The following UBOX5 variants were observed in gnomAD, a reference collection of about 807,000 sequenced individuals.
The protein encoded by UBOX5 is U-box domain containing 5, also known as RING finger protein 37.
A neutral mutation model predicts 39.0 loss-of-function variants in UBOX5; 28 were observed. That is an observed-to-expected ratio of 0.72 (90% CI 0.53 to 0.98). The LOEUF (loss-of-function observed/expected upper bound fraction) is 0.98. Ranked by LOEUF, UBOX5 falls within the 50% of genes least tolerant of loss-of-function variation. UBOX5 has a pLI of 0.00. For synonymous variants in UBOX5, 283 were observed against 275.5 expected (o/e 1.03, Z -0.27); for missense variants, 585 against 674.4 (o/e 0.87, Z 1.47).
chr20:3,146,673 C>T, intron 1 of UBOX5: 1 of 1,380,104 alleles, frequency 7.2e-7, no homozygotes, highest in Non-Finnish European at 9.9e-7. Flanking sequence ...CCTCAACACA[C>T]TATTTTATCG....
intron 1 of UBOX5, among the ~76,000 whole-genome samples, chr20:3,133,288 A>C (rs1244601658): frequency 6.6e-6 from 1 of 152,164 alleles, no homozygotes; most frequent in Non-Finnish European, 1.5e-5. Context: ...TAATGGCTCA[A>C]CATATGAAAA....
At chr20:3,126,628 A>G (rs1204547514) in intron 1 of UBOX5, among the ~76,000 whole-genome samples, 1 of 150,148 alleles carries the variant, frequency 6.7e-6, no homozygotes, top group East Asian at 2.0e-4. Flanking sequence ...GGAGGGAGTG[A>G]AGGAGGAAGG....
chr20:3,120,215 C>T lies in UBOX5; in HGVS notation c.1255+1169G>A, dbSNP rs565175430. Among the ~76,000 whole-genome samples, 7 of 151,666 alleles carry T rather than the reference C, an allele frequency of 4.6e-5. No homozygotes were observed. In the South Asian group the frequency reaches 1.3e-3, roughly 27 times the overall value. ...TACAAAAATTAGCTGGGCGTGGTGGCGCGCGTCTGTAATCCCAGCTACTCC... is the reference window on the plus strand; with the variant it reads ...TACAAAAATTAGCTGGGCGTGGTGGTGCGCGTCTGTAATCCCAGCTACTCC... On this transcript the variant is annotated intron_variant, in intron 3 of 4. Transcript: ENST00000217173.
At chr20:3,140,153 C>T (rs2066505953) in intron 1 of UBOX5, among the ~76,000 whole-genome samples, 1 of 150,286 alleles carries the variant, frequency 6.7e-6, no homozygotes, top group Non-Finnish European at 1.5e-5. Context: ...TCCTGAGTAG[C>T]TGGGATTATA....
chr20:3,128,100 T>C (rs1047284021), intron 1 of UBOX5, among the ~76,000 whole-genome samples: 3 of 152,250 alleles, frequency 2.0e-5, no homozygotes, highest in African/African-American at 7.2e-5. Context: ...AGGCTTCTGA[T>C]ACCTTTCGTG....
chr20:3,131,271 T>G (rs979293015), intron 1 of UBOX5, among the ~76,000 whole-genome samples: 2 of 152,080 alleles, frequency 1.3e-5, no homozygotes, highest in Non-Finnish European at 2.9e-5. Context: ...TAATGTTGAT[T>G]GTTAGATTGA....
At chr20:3,147,300 C>T in intron 1 of UBOX5, 1 of 1,614,218 alleles carries the variant, frequency 6.2e-7, no homozygotes, top group Non-Finnish European at 8.5e-7. Flanking sequence ...AGCTGGACCT[C>T]TAAGTCAGAA....
chr20:3,109,959 T>TAGC lies in UBOX5; in HGVS notation c.*146_*147insGCT. On this transcript the variant is annotated 3_prime_UTR_variant, in exon 5 of 5. Coordinates refer to ENST00000217173, the MANE Select transcript of UBOX5 (RefSeq NM_014948.4). ...CCACCAGCGCAGAAGCAATGTGCTA[T>TAGC]ACCGTGAGGTGATGAAGAAGAGCCC... 2.3e-6 allele frequency: 2 copies of TAGC among 878,068 alleles called. No individual in the cohort carries two copies. Among genetic ancestry groups the TAGC allele is most frequent in the Non-Finnish European group, 3.5e-6 (2 of 567,480 alleles). The allele number at this position is 878,068 out of a possible 1,614,324, so 54.4% of individuals were successfully genotyped here.
At chr20:3,127,109 T>C (rs2066396517) in intron 1 of UBOX5, among the ~76,000 whole-genome samples, 1 of 150,288 alleles carries the variant, frequency 6.7e-6, no homozygotes, top group African/African-American at 2.4e-5. Context: ...TCCAATGGCT[T>C]CTGGTAACTC....
At chr20:3,133,350 G>T (rs1044185381) in intron 1 of UBOX5, among the ~76,000 whole-genome samples, 5 of 152,132 alleles carry the variant, frequency 3.3e-5, no homozygotes, top group African/African-American at 4.8e-5. Flanking sequence ...CTGAGGAAAT[G>T]GCCATGTAAC....
At chr20:3,132,817 CAAAAA>C (rs11331937) in intron 1 of UBOX5, among the ~76,000 whole-genome samples, 2 of 124,518 alleles carry the variant, frequency 1.6e-5, no homozygotes, top group Admixed American at 8.0e-5. Flanking sequence ...GGGACTGTCT[CAAAAA>C]AAAAAAAAAA....
chr20:3,158,720 C>T (rs1282312527), intron 1 of UBOX5, among the ~76,000 whole-genome samples: 2 of 152,194 alleles, frequency 1.3e-5, no homozygotes, highest in East Asian at 1.9e-4. Flanking sequence ...GTGATCCGCC[C>T]GCCTTGACCT....
At chr20:3,139,842 T>C (rs2066501938) in intron 1 of UBOX5, among the ~76,000 whole-genome samples, 1 of 151,898 alleles carries the variant, frequency 6.6e-6, no homozygotes, top group Non-Finnish European at 1.5e-5. Context: ...CCTGAGTAAC[T>C]GGTATTACAG....
At chr20:3,129,077 T>A (rs1402373884) in intron 1 of UBOX5, among the ~76,000 whole-genome samples, 1 of 152,070 alleles carries the variant, frequency 6.6e-6, no homozygotes, top group Non-Finnish European at 1.5e-5. Context: ...TCATGAGGCT[T>A]CTCCACCCGC....
At chr20:3,120,769 C>T (rs1355870374) in intron 3 of UBOX5, among the ~76,000 whole-genome samples, 1 of 152,194 alleles carries the variant, frequency 6.6e-6, no homozygotes, top group African/African-American at 2.4e-5. Flanking sequence ...ACTGAGTGCA[C>T]CCTCTTCAGT....
In UBOX5 at chr20:3,122,099, CACATGGGTGAT is replaced by C; in HGVS notation, c.529_539del (p.Ile177AspfsTer53). 6.2e-7 allele frequency: 1 copy of C among 1,614,252 alleles called. No individual in the cohort carries two copies. Among genetic ancestry groups the C allele is most frequent in the Non-Finnish European group, 8.5e-7 (1 of 1,180,054 alleles). ...TGATACAAGGGATACCGCCGCCTGT[CACATGGGTGAT>C]ACAGATCCTTAAGTGGGCCACGTGG... On this transcript the variant is annotated frameshift_variant, in exon 3 of 5. Transcript: ENST00000217173. LOFTEE classifies it high-confidence loss of function.
chr20:3,159,323 G>A (rs1042112899), intron 1 of UBOX5, among the ~76,000 whole-genome samples: 4 of 152,162 alleles, frequency 2.6e-5, no homozygotes, highest in Non-Finnish European at 4.4e-5. Flanking sequence ...CTGCGTGCCA[G>A]AGGCTTCAGC....
chr20:3,131,521 C>A (rs1057411455), intron 1 of UBOX5, among the ~76,000 whole-genome samples: 5 of 152,078 alleles, frequency 3.3e-5, no homozygotes, highest in Admixed American at 6.6e-5. Flanking sequence ...ATTTATTTTG[C>A]TCATATTTAA....
In UBOX5 at chr20:3,122,062, C is replaced by T. The variant is rs1263625275; in HGVS notation, c.577G>A (p.Val193Met). 6 of 1,614,164 alleles carry T rather than the reference C, an allele frequency of 3.7e-6. No individual in the cohort carries two copies. Among genetic ancestry groups the T allele is most frequent in the South Asian group, 1.1e-5 (1 of 91,096 alleles). Residue 193 changes from valine to methionine, a missense_variant, in exon 3 of 5, where the codon GTG becomes ATG. Coordinates refer to ENST00000217173, the MANE Select transcript of UBOX5 (RefSeq NM_014948.4). ...CAGGTCTTGGCCGGCTGACCCCACA[C>T]TTCCAACCGCTTGATACAAGGGATA... The part of the protein sequence containing the change: ...GGIPCIKRLE[V>M]WGQPAKTCSQ...
Sources: gnomAD v4.1 joint callset for allele counts (sites outside exome capture counted in the v4.1 genomes callset) on GRCh38, gnomAD v4.1.1 for gene constraint, MANE v1.5 for transcripts, NCBI Gene and HGNC (gene_info 2026-07-23, HGNC 2026-07-21) for gene names.